The following ZNRF1 variants were observed in gnomAD, a reference collection of about 807,000 sequenced individuals.
ZNRF1 encodes zinc and ring finger 1, also known as E3 ubiquitin-protein ligase ZNRF1.
A neutral mutation model predicts 18.4 loss-of-function variants in ZNRF1; 3 were observed. The observed-to-expected ratio is 0.16, with a 90% CI of 0.07 to 0.42. The LOEUF (loss-of-function observed/expected upper bound fraction) is 0.42, where lower values mean the gene tolerates loss of function less well. Ranked by LOEUF, ZNRF1 falls within the 10% of genes least tolerant of loss-of-function variation. ZNRF1 has a pLI of 0.99. For missense variants in ZNRF1, 310 were observed against 329.8 expected, an observed-to-expected ratio of 0.94 and a Z score of 0.47; for synonymous variants, 157 against 144.2, an observed-to-expected ratio of 1.09 and a Z score of -0.64.
At chr16:75,048,974 TATTA>T (rs935375030) in intron 1 of ZNRF1, among the ~76,000 whole-genome samples, 29 of 152,260 alleles carry the variant, frequency 1.9e-4, no homozygotes, top group Admixed American at 5.2e-4. Context: ...TTCCATTCTT[TATTA>T]GTTTTTTATT....
intron 1 of ZNRF1, among the ~76,000 whole-genome samples, chr16:75,012,360 T>A (rs1383995808): frequency 6.6e-6 from 1 of 152,218 alleles, no homozygotes; most frequent in African/African-American, 2.4e-5. Flanking sequence ...ATCAGCTTTC[T>A]GGATTAAAGG....
rs1048172017 is a variant in ZNRF1, at chr16:74,999,481, C to G, written c.-191C>G. The G allele has an allele frequency of 6.4e-5, 27 of 424,062 alleles. No individual in the cohort carries two copies. Among genetic ancestry groups the G allele is most frequent in the African/African-American group, 5.3e-4 (26 of 48,626 alleles). 26.3% of individuals were successfully genotyped at this position (424,062 alleles called of 1,614,324 possible). ...GTTTGAAATTCTGAGTTTGGGATCCCCGCCCGCCCGCCTGCCTCTTCCGCC... is the reference window on the plus strand; with the variant it reads ...GTTTGAAATTCTGAGTTTGGGATCCGCGCCCGCCCGCCTGCCTCTTCCGCC... On this transcript the variant is annotated 5_prime_UTR_variant, in exon 1 of 5. Transcript: ENST00000335325.
At chr16:75,072,346 C>T (rs1374456854) in intron 1 of ZNRF1, among the ~76,000 whole-genome samples, 1 of 152,178 alleles carries the variant, frequency 6.6e-6, no homozygotes, top group Admixed American at 6.5e-5. Flanking sequence ...CACCCCAACC[C>T]ACTGGCCCCA....
intron 1 of ZNRF1, among the ~76,000 whole-genome samples, chr16:75,059,662 A>G (rs1431106299): frequency 1.3e-5 from 2 of 152,132 alleles, no homozygotes; most frequent in East Asian, 1.9e-4. Context: ...CTCAGGTCTT[A>G]TCTGATCCTT....
At chr16:75,035,314 G>A (rs147202692) in intron 1 of ZNRF1, among the ~76,000 whole-genome samples, 2 of 152,186 alleles carry the variant, frequency 1.3e-5, no homozygotes, top group Non-Finnish European at 2.9e-5. Flanking sequence ...AATTACAGGC[G>A]TGAGCCGCTG....
At chr16:75,069,551 C>T (rs965751054) in intron 1 of ZNRF1, among the ~76,000 whole-genome samples, 4 of 152,178 alleles carry the variant, frequency 2.6e-5, no homozygotes, top group African/African-American at 9.7e-5. Context: ...GTAGCTGGAA[C>T]TACAGGTGGG....
intron 1 of ZNRF1, among the ~76,000 whole-genome samples, chr16:75,042,368 G>T (rs962139660): frequency 6.6e-6 from 1 of 151,264 alleles, no homozygotes; most frequent in African/African-American, 2.4e-5. Flanking sequence ...TATAGTTTTA[G>T]CTCTTACATA....
At chr16:75,041,602 T>G (rs1369383821) in intron 1 of ZNRF1, among the ~76,000 whole-genome samples, 1 of 151,806 alleles carries the variant, frequency 6.6e-6, no homozygotes, top group Non-Finnish European at 1.5e-5. Flanking sequence ...AGGTCTGGGA[T>G]TACAGGCGTG....
intron 1 of ZNRF1, among the ~76,000 whole-genome samples, chr16:75,011,987 A>G (rs1431656729): frequency 1.3e-5 from 2 of 152,182 alleles, no homozygotes; most frequent in Non-Finnish European, 2.9e-5. Flanking sequence ...AAATCTTTTT[A>G]ATGAAACAGT....
chr16:75,081,773 A>G (rs541524371), intron 1 of ZNRF1, among the ~76,000 whole-genome samples: 2 of 152,340 alleles, frequency 1.3e-5, no homozygotes, highest in South Asian at 4.1e-4. Flanking sequence ...TCTAAGAACT[A>G]GAAGAAATTC....
rs371855919 is a variant in ZNRF1, at chr16:75,103,273, G to T, written c.521-1511G>T. On this transcript the variant is annotated intron_variant, in intron 2 of 4. Transcript: ENST00000335325. Reference sequence around the variant, plus strand: ...ATTCCTTCTTTTTGGGATGGTGAGCGGGGTCACTTTTGTTTCTTTCTTTTT... The same window carrying T: ...ATTCCTTCTTTTTGGGATGGTGAGCTGGGTCACTTTTGTTTCTTTCTTTTT... 1.8e-4 allele frequency among the ~76,000 whole-genome samples: 28 copies of T among 152,258 alleles called. No homozygotes were observed. The East Asian group carries it at 2.9e-3, about 16-fold the overall frequency.
chr16:75,001,069 A>G (rs1360792336), intron 1 of ZNRF1, among the ~76,000 whole-genome samples: 1 of 152,182 alleles, frequency 6.6e-6, no homozygotes, highest in East Asian at 1.9e-4. Flanking sequence ...AAATTGGCCA[A>G]AAGGGATGTG....
intron 1 of ZNRF1, chr16:75,000,347 AT>A: frequency 1.5e-6 from 1 of 677,162 alleles, no homozygotes; most frequent in Middle Eastern, 2.4e-4. Flanking sequence ...AAGCCTACCT[AT>A]TGGAGTTCCA....
chr16:75,080,547 A>T lies in ZNRF1; in HGVS notation c.425-13025A>T, dbSNP rs376490680. On this transcript the variant is annotated intron_variant, in intron 1 of 4. Transcript: ENST00000335325. Reference sequence around the variant, plus strand: ...TAGACAGTGCCTTTAGGAGCCCAGAAATCAACTATTGGTCCTGTATAGATT... The same window carrying T: ...TAGACAGTGCCTTTAGGAGCCCAGATATCAACTATTGGTCCTGTATAGATT... 9.1e-4 allele frequency among the ~76,000 whole-genome samples: 139 copies of T among 152,264 alleles called. 4 individuals are homozygous for T. In the South Asian group the frequency reaches 0.026, roughly 29 times the overall value.
At position 75,108,004 on chromosome 16, in the gene ZNRF1, C is replaced by A. The variant is rs78479436; in HGVS notation, c.*304C>A. On this transcript the variant is annotated 3_prime_UTR_variant, in exon 5 of 5. Coordinates refer to ENST00000335325, the MANE Select transcript of ZNRF1 (RefSeq NM_032268.5). Reference sequence around the variant, plus strand: ...TGTGGGTCTGTCTTTAAAGTGTTTACAAAAAAAAATTATATAAAAAAAAAG... The same window carrying A: ...TGTGGGTCTGTCTTTAAAGTGTTTAAAAAAAAAAATTATATAAAAAAAAAG... 2.0e-5 allele frequency: 6 copies of A among 299,514 alleles called. No homozygotes were observed. Among genetic ancestry groups the A allele is most frequent in the Admixed American group, 4.7e-5 (1 of 21,260 alleles). The allele number at this position is 299,514 out of a possible 1,614,324, so 18.6% of individuals were successfully genotyped here. A position where few individuals can be genotyped will look rare whatever the true frequency, so the allele number is the denominator to read the frequency against.
intron 1 of ZNRF1, among the ~76,000 whole-genome samples, chr16:75,072,667 A>G (rs1299261488): frequency 6.6e-6 from 1 of 152,252 alleles, no homozygotes; most frequent in Non-Finnish European, 1.5e-5. Context: ...ATGTTGTAGT[A>G]TACACAAACA....
chr16:75,014,415 G>A (rs1405385561), intron 1 of ZNRF1, among the ~76,000 whole-genome samples: 4 of 151,990 alleles, frequency 2.6e-5, no homozygotes, highest in African/African-American at 9.7e-5. Context: ...ATATTATGAG[G>A]TGTGTGTGTG....
chr16:75,012,889 C>T (rs117947681), intron 1 of ZNRF1, among the ~76,000 whole-genome samples: 6 of 152,250 alleles, frequency 3.9e-5, no homozygotes, highest in Non-Finnish European at 7.3e-5. Context: ...AGCCTGTTAC[C>T]GGTTCCAGGT....
intron 1 of ZNRF1, among the ~76,000 whole-genome samples, chr16:75,088,823 T>C (rs986574407): frequency 6.6e-6 from 1 of 152,238 alleles, no homozygotes; most frequent in Non-Finnish European, 1.5e-5. Context: ...ACTCAATAAA[T>C]GCAAACTATT....
Sources: allele counts gnomAD v4.1 joint callset (sites outside exome capture counted in the v4.1 genomes callset), GRCh38; gene constraint gnomAD v4.1.1; transcripts MANE v1.5; gene names NCBI Gene and HGNC (gene_info 2026-07-23, HGNC 2026-07-21).